Variants in CDKN2AIPNL observed in about 807,000 individuals in gnomAD.
The protein encoded by CDKN2AIPNL is CDKN2AIP N-terminal-like protein.
A neutral mutation model predicts 12.9 loss-of-function variants in CDKN2AIPNL; 9 were observed. The observed-to-expected ratio is 0.70, with a 90% confidence interval of 0.42 to 1.22. The LOEUF is 1.22. Among genes scored for constraint, CDKN2AIPNL ranks in the 50% most tolerant of loss-of-function variants. The probability of loss-of-function intolerance (pLI) is 0.00; values close to 1 mark genes in which losing one functional copy is unlikely to be tolerated. For missense variants in CDKN2AIPNL, 143 were observed against 153.6 expected (o/e 0.93, Z 0.37); for synonymous variants, 53 against 61.7 (o/e 0.86, Z 0.66).
intron 1 of CDKN2AIPNL, chr5:134,411,178 G>T (rs955998363): frequency 1.4e-6 from 1 of 694,096 alleles, no homozygotes; most frequent in Non-Finnish European, 2.6e-6. Context: ...ATGGCCCCAG[G>T]TATATCACTT....
At chr5:134,405,441 G>A (rs1759089706) in intron 2 of CDKN2AIPNL, among the ~76,000 whole-genome samples, 1 of 150,172 alleles carries the variant, frequency 6.7e-6, no homozygotes, top group Non-Finnish European at 1.5e-5. Flanking sequence ...TTTTGAGACA[G>A]AGTCTCACTC....
chr5:134,408,513 CAAAAAAAAAAA>C (rs59056879), intron 2 of CDKN2AIPNL, among the ~76,000 whole-genome samples: 1 of 112,696 alleles, frequency 8.9e-6, no homozygotes, highest in Non-Finnish European at 1.8e-5. Flanking sequence ...ACTAAAAATA[CAAAAAAAAAAA>C]AAAAAAAAAA....
intron 2 of CDKN2AIPNL, among the ~76,000 whole-genome samples, chr5:134,407,285 ACACACACACAC>A (rs1759119846): frequency 6.6e-6 from 1 of 151,338 alleles, no homozygotes; most frequent in African/African-American, 2.4e-5. Flanking sequence ...ACACACACAC[ACACACACACAC>A]ACTTCACACT....
At chr5:134,409,240 G>A (rs1021787729) in intron 2 of CDKN2AIPNL, among the ~76,000 whole-genome samples, 2 of 152,188 alleles carry the variant, frequency 1.3e-5, no homozygotes, top group African/African-American at 4.8e-5. Flanking sequence ...CAGAAGATAA[G>A]CGAGCAATTA....
chr5:134,402,886 G>A lies in CDKN2AIPNL; in HGVS notation c.*29C>T. Reference sequence around the variant, plus strand: ...CAGCCTCCTTTCTAATCCTGTAGCTGATGATGAAAATGTGATAAATCTTCT... The same window carrying A: ...CAGCCTCCTTTCTAATCCTGTAGCTAATGATGAAAATGTGATAAATCTTCT... On this transcript the variant is annotated 3_prime_UTR_variant, in exon 3 of 3. Coordinates refer to ENST00000458198, the MANE Select transcript of CDKN2AIPNL (RefSeq NM_080656.3). The A allele has an allele frequency of 6.2e-7, 1 of 1,605,308 alleles. No homozygotes were observed. The highest frequency in any genetic ancestry group is 8.5e-7 in the Non-Finnish European group (1 of 1,175,848).
chr5:134,406,812 G>A (rs1759111397), intron 2 of CDKN2AIPNL, among the ~76,000 whole-genome samples: 1 of 152,194 alleles, frequency 6.6e-6, no homozygotes, highest in Non-Finnish European at 1.5e-5. Flanking sequence ...CAAGGCTGCG[G>A]GTAGCCGTGA....
At chr5:134,410,777 G>A in intron 1 of CDKN2AIPNL, 1 of 538,980 alleles carries the variant, frequency 1.9e-6, no homozygotes, top group Non-Finnish European at 3.3e-6. Context: ...GGCCTGCAGG[G>A]GCCAAATGAC....
Position 134,402,780 on chromosome 5 carries a change from CCTT to C in CDKN2AIPNL, c.*132_*134del, listed in dbSNP as rs1426803358. On this transcript the variant is annotated 3_prime_UTR_variant, in exon 3 of 3. Transcript: ENST00000458198. ...TTAAAAAAGCCAATCTAGACAGAGT[CCTT>C]CTCATTCCACCTGCCTCTTTATGTT... is the stretch of plus-strand genomic sequence containing the variant. 1.5e-4 allele frequency: 104 copies of C among 685,376 alleles called. No individual in the cohort carries two copies. In the East Asian group the frequency reaches 2.4e-3, roughly 16 times the overall value. The allele number at this position is 685,376 out of a possible 1,614,324, so 42.5% of individuals were successfully genotyped here.
chr5:134,410,844 T>C (rs999901122), intron 1 of CDKN2AIPNL: 65 of 599,944 alleles, frequency 1.1e-4, no homozygotes, highest in Non-Finnish European at 1.8e-4. Flanking sequence ...GTCACCCTAT[T>C]TTCCTAACAC....
At position 134,408,496 on chromosome 5, in the gene CDKN2AIPNL, C is replaced by T. The variant is rs537725742; in HGVS notation, c.339+1407G>A. 9.3e-3 allele frequency among the ~76,000 whole-genome samples: 1,265 copies of T among 135,816 alleles called. 7 individuals carry two copies. The highest frequency in any genetic ancestry group is 0.012 in the Non-Finnish European group (770 of 64,268). The allele number at this position is 135,816 out of a possible 152,430, so 89.1% of individuals were successfully genotyped here. A position where few individuals can be genotyped will look rare whatever the true frequency, so the allele number is the denominator to read the frequency against. On this transcript the variant is annotated intron_variant, in intron 2 of 2. Coordinates refer to ENST00000458198, the MANE Select transcript of CDKN2AIPNL (RefSeq NM_080656.3). ...CATCCTGGCTAACACGGTGAAACCC[C>T]GTCTCTACTAAAAATACAAAAAAAA...
chr5:134,403,944 G>A (rs1238075097), intron 2 of CDKN2AIPNL, among the ~76,000 whole-genome samples: 1 of 152,066 alleles, frequency 6.6e-6, no homozygotes, highest in Non-Finnish European at 1.5e-5. Context: ...TTTTTCAGAT[G>A]AAAAAACAAA....
chr5:134,406,030 ATG>A (rs989142830), intron 2 of CDKN2AIPNL, among the ~76,000 whole-genome samples: 1 of 152,154 alleles, frequency 6.6e-6, no homozygotes, highest in African/African-American at 2.4e-5. Flanking sequence ...TACTCAATGT[ATG>A]TGTGTTTGAA....
Position 134,402,306 on chromosome 5 carries a change from G to C in CDKN2AIPNL, c.*609C>G, listed in dbSNP as rs1421317001. 1 of 152,000 alleles carries C rather than the reference G, an allele frequency of 6.6e-6. No individual in the cohort carries two copies. The highest frequency in any genetic ancestry group is 1.5e-5 in the Non-Finnish European group (1 of 68,046). 9.4% of individuals were successfully genotyped at this position (152,000 alleles called of 1,614,324 possible). On this transcript the variant is annotated 3_prime_UTR_variant, in exon 3 of 3. Transcript: ENST00000458198. ...GTAGAGACGGGGTTTCATCGTGTTG[G>C]CCAGGCTGGTCTCAAACTCCTAACC...
intron 2 of CDKN2AIPNL, among the ~76,000 whole-genome samples, chr5:134,408,339 C>T (rs1331680361): frequency 1.3e-5 from 2 of 151,844 alleles, no homozygotes; most frequent in Non-Finnish European, 2.9e-5. Context: ...TCCCAATTCA[C>T]ACTGCTCCCT....
intron 2 of CDKN2AIPNL, among the ~76,000 whole-genome samples, chr5:134,403,446 G>T (rs1759057734): frequency 6.6e-6 from 1 of 152,208 alleles, no homozygotes; most frequent in Non-Finnish European, 1.5e-5. Flanking sequence ...AGCACCTTTG[G>T]TAAATTTAAA....
intron 2 of CDKN2AIPNL, among the ~76,000 whole-genome samples, chr5:134,405,172 C>CT (rs1561687490): frequency 1.3e-5 from 2 of 149,616 alleles, no homozygotes; most frequent in Non-Finnish European, 3.0e-5. Context: ...GTGGCGCAAT[C>CT]TCGGCTCACT....
chr5:134,411,231 T>C (rs1759186094), intron 1 of CDKN2AIPNL: 2 of 646,794 alleles, frequency 3.1e-6, no homozygotes, highest in East Asian at 5.4e-5. Flanking sequence ...GATCTCCGTT[T>C]CTCTCTCTGC....
chr5:134,410,136 T>C, intron 1 of CDKN2AIPNL, 134 bp from the exon 2 acceptor site: 3 of 605,190 alleles, frequency 5.0e-6, no homozygotes, highest in South Asian at 2.1e-5. Flanking sequence ...AACCTATACA[T>C]GTTCCCCACA....
chr5:134,410,073 G>A (rs1279169150), intron 1 of CDKN2AIPNL, 71 bp from the exon 2 acceptor site: 2 of 1,062,794 alleles, frequency 1.9e-6, no homozygotes, highest in Admixed American at 4.1e-5. Context: ...GAAACTGCAG[G>A]TTGCTCAACT....
Sources: gnomAD v4.1 joint callset for allele counts (sites outside exome capture counted in the v4.1 genomes callset) on GRCh38, gnomAD v4.1.1 for gene constraint, MANE v1.5 for transcripts, NCBI Gene and HGNC (gene_info 2026-07-23, HGNC 2026-07-21) for gene names.